Variants in GUF1 observed in about 807,000 individuals in gnomAD.
GUF1 encodes GTP binding elongation factor GUF1, also known as translation factor GUF1, mitochondrial.
A neutral mutation model predicts 82.4 loss-of-function variants in GUF1; 78 were observed. The observed-to-expected ratio is 0.95, with a 90% CI of 0.79 to 1.14. The LOEUF is 1.14. Ranked by LOEUF, GUF1 falls within the 50% of genes most tolerant of loss-of-function variation. GUF1 has a pLI of 0.00. For synonymous variants in GUF1, 279 were observed against 282.3 expected, an observed-to-expected ratio of 0.99 and a Z score of 0.12; for missense variants, 814 against 798.2, an observed-to-expected ratio of 1.02 and a Z score of -0.24.
chr4:44,696,191 A>G (rs1215496816), intron 15 of GUF1, among the ~76,000 whole-genome samples: 3 of 152,208 alleles, frequency 2.0e-5, no homozygotes, highest in African/African-American at 7.2e-5. Flanking sequence ...AAGGAATGCC[A>G]ATACCATGTT....
At position 44,700,087 on chromosome 4, in the gene GUF1, T is replaced by C. The variant is rs751110306; in HGVS notation, c.*1406T>C. 7 of 152,152 alleles carry C rather than the reference T, an allele frequency of 4.6e-5. No homozygotes were observed. Among genetic ancestry groups the C allele is most frequent in the African/African-American group, 1.2e-4 (5 of 41,432 alleles). The allele number at this position is 152,152 out of a possible 1,614,324, so 9.4% of individuals were successfully genotyped here. A position where few individuals can be genotyped will look rare whatever the true frequency, so the allele number is the denominator to read the frequency against. The stretch of plus-strand genomic sequence containing the variant: ...ATTTTTATCTTCTACCTTGAATGAA[T>C]TGAATGAAGAAAATGTCTTTTAGGG... On this transcript the variant is annotated 3_prime_UTR_variant, in exon 17 of 17. Coordinates refer to ENST00000281543, the MANE Select transcript of GUF1 (RefSeq NM_021927.3).
chr4:44,678,465 G>A lies in GUF1; in HGVS notation c.-158G>A. 1 of 557,084 alleles carries A rather than the reference G, an allele frequency of 1.8e-6. No homozygotes were observed. Among genetic ancestry groups the A allele is most frequent in the East Asian group, 3.5e-5 (1 of 28,606 alleles). The allele number at this position is 557,084 out of a possible 1,614,324, so 34.5% of individuals were successfully genotyped here. A position where few individuals can be genotyped will look rare whatever the true frequency, so the allele number is the denominator to read the frequency against. On this transcript the variant is annotated 5_prime_UTR_variant, in exon 1 of 17. Coordinates refer to ENST00000281543, the MANE Select transcript of GUF1 (RefSeq NM_021927.3). ...GCCGCTTCGGGTTGCTTCCGGATCTGGTACTTGGGCAGAGCTCCCCGGGGT... is the reference window on the plus strand; with the variant it reads ...GCCGCTTCGGGTTGCTTCCGGATCTAGTACTTGGGCAGAGCTCCCCGGGGT...
intron 14 of GUF1, 100 bp from the exon 15 acceptor site, chr4:44,695,515 C>A: frequency 2.2e-6 from 2 of 924,516 alleles, no homozygotes; most frequent in Non-Finnish European, 3.2e-6. Flanking sequence ...TTTGAACCTC[C>A]TTAAGAGATC....
intron 7 of GUF1, among the ~76,000 whole-genome samples, 175 bp downstream of exon 7, chr4:44,686,198 C>T (rs573493505): frequency 1.3e-5 from 2 of 151,966 alleles, no homozygotes; most frequent in East Asian, 3.9e-4. Context: ...ACATAGAAGG[C>T]AAGTACAGTA....
chr4:44,696,125 C>T (rs781206741), intron 15 of GUF1, among the ~76,000 whole-genome samples: 1 of 151,828 alleles, frequency 6.6e-6, no homozygotes, highest in Non-Finnish European at 1.5e-5. Context: ...TTTTTTTTAA[C>T]CCAAAGCATT....
At position 44,694,093 on chromosome 4, in the gene GUF1, C is replaced by T. The variant is rs940752899; in HGVS notation, c.1614-319C>T. Reference sequence around the variant, plus strand: ...TCCATTAATAATATATAGTATTGTCCGAAGCCTCCCAGCTGCTGGGAACAT... The same window carrying T: ...TCCATTAATAATATATAGTATTGTCTGAAGCCTCCCAGCTGCTGGGAACAT... On this transcript the variant is annotated intron_variant, in intron 13 of 16. Transcript: ENST00000281543. 2.1e-4 allele frequency: 58 copies of T among 276,404 alleles called. No individual in the cohort carries two copies. The South Asian group carries it at 2.1e-3, about 10-fold the overall frequency. The allele number at this position is 276,404 out of a possible 1,614,324, so 17.1% of individuals were successfully genotyped here.
chr4:44,686,519 G>T lies in GUF1; in HGVS notation c.744G>T (p.Val248=), dbSNP rs960507967. Residue 248 remains valine (V), a synonymous_variant, in exon 8 of 17, where the codon GTG becomes GTT. Transcript: ENST00000281543. ...TACTTATATTTACTAGTCCTAAAGT[G>T]CATCGCAAAAATCCTCTGAGAGCTT... The part of the protein sequence containing the change: ...AIIERIPPPK[V]HRKNPLRALV... 2 of 1,609,166 alleles carry T rather than the reference G, an allele frequency of 1.2e-6. No individual in the cohort carries two copies. The highest frequency in any genetic ancestry group is 2.2e-5 in the East Asian group (1 of 44,754).
At chr4:44,681,742 C>A (rs73179895) in intron 4 of GUF1, among the ~76,000 whole-genome samples, 4,030 of 151,722 alleles carry the variant, frequency 0.027, 178 homozygotes, top group African/African-American at 0.094. Flanking sequence ...ATTCAAAACC[C>A]AACTTTTTTT....
chr4:44,679,568 C>G (rs1444508663), intron 1 of GUF1, among the ~76,000 whole-genome samples: 1 of 152,144 alleles, frequency 6.6e-6, no homozygotes, highest in Non-Finnish European at 1.5e-5. Flanking sequence ...GTGCAATTCT[C>G]TATACCTTTT....
At chr4:44,681,334 A>G (rs961937083) in intron 4 of GUF1, 131 bp downstream of exon 4, 33 of 653,710 alleles carry the variant, frequency 5.0e-5, no homozygotes, top group South Asian at 3.7e-4. Flanking sequence ...TTACTTACTG[A>G]AAATCATATG....
At position 44,699,788 on chromosome 4, in the gene GUF1, A is replaced by C. The variant is rs1440792879; in HGVS notation, c.*1107A>C. On this transcript the variant is annotated 3_prime_UTR_variant, in exon 17 of 17. Coordinates refer to ENST00000281543, the MANE Select transcript of GUF1 (RefSeq NM_021927.3). The stretch of plus-strand genomic sequence containing the variant: ...TGGTTAGTTTGAAACTAAATGGTTT[A>C]CATCTAAATTAAGGGCAGGAGCTGT... 5 of 152,246 alleles carry C rather than the reference A, an allele frequency of 3.3e-5. No homozygotes were observed. Among genetic ancestry groups the C allele is most frequent in the Non-Finnish European group, 5.9e-5 (4 of 68,046 alleles). 9.4% of individuals were successfully genotyped at this position (152,246 alleles called of 1,614,324 possible). A position where few individuals can be genotyped will look rare whatever the true frequency, so the allele number is the denominator to read the frequency against.
chr4:44,681,312 A>G (rs965561293), intron 4 of GUF1, 109 bp downstream of exon 4: 53 of 769,056 alleles, frequency 6.9e-5, no homozygotes, highest in Non-Finnish European at 1.2e-4. Context: ...TTTGAAAAAT[A>G]GATTTAATCT....
At chr4:44,683,416 T>C in intron 6 of GUF1, 98 bp downstream of exon 6, 1 of 632,994 alleles carries the variant, frequency 1.6e-6, no homozygotes, top group Non-Finnish European at 2.7e-6. Flanking sequence ...CATTATATGC[T>C]GTTTTTTATA....
chr4:44,683,950 G>A (rs1228073241), intron 6 of GUF1, among the ~76,000 whole-genome samples: 2 of 151,966 alleles, frequency 1.3e-5, no homozygotes, highest in East Asian at 1.9e-4. Flanking sequence ...AAAAGAGCAA[G>A]TTATATATGG....
At position 44,678,725 on chromosome 4, in the gene GUF1, AC is replaced by A. The variant is rs1714585467; in HGVS notation, c.106del (p.Ala38LeufsTer47). 6.6e-7 allele frequency: 1 copy of A among 1,518,976 alleles called. No homozygotes were observed. Among genetic ancestry groups the A allele is most frequent in the African/African-American group, 1.5e-5 (1 of 68,170 alleles). 94.1% of individuals were successfully genotyped at this position (1,518,976 alleles called of 1,614,324 possible). ...GGCCCCGGGGCCCCGGTCCGCGCCG[AC>A]CCTTGGGGCTGCTCCAGAGTCCTGG... ...LVAPGPRSAP[T>X]LGAAPESWAT... On this transcript the variant is annotated frameshift_variant, in exon 1 of 17. Transcript: ENST00000281543. LOFTEE classifies it high-confidence loss of function.
intron 15 of GUF1, among the ~76,000 whole-genome samples, chr4:44,696,085 G>GT (rs34609274): frequency 0.53 from 79,925 of 151,878 alleles, 22,450 homozygotes; most frequent in Non-Finnish European, 0.64. Flanking sequence ...AAACTAAAAG[G>GT]TTTTGTCTTC....
At position 44,686,550 on chromosome 4, in the gene GUF1, TTTGAC is replaced by T. The variant is rs1560343380; in HGVS notation, c.777_781del (p.Asp260HisfsTer3). 3 of 1,612,272 alleles carry T rather than the reference TTTGAC, an allele frequency of 1.9e-6. No individual in the cohort carries two copies. The highest frequency in any genetic ancestry group is 2.5e-6 in the Non-Finnish European group (3 of 1,178,738). On this transcript the variant is annotated frameshift_variant, in exon 8 of 17. Coordinates refer to ENST00000281543, the MANE Select transcript of GUF1 (RefSeq NM_021927.3). LOFTEE classifies it high-confidence loss of function. ...CAAAAATCCTCTGAGAGCTTTGGTA[TTTGAC>T]TCCACCTTTGACCAGTATAGAGGTG... is the stretch of plus-strand genomic sequence containing the variant.
At chr4:44,679,730 G>A (rs1490548724) in intron 1 of GUF1, among the ~76,000 whole-genome samples, 4 of 151,792 alleles carry the variant, frequency 2.6e-5, no homozygotes, top group African/African-American at 9.7e-5. Flanking sequence ...GTAATTTCAT[G>A]GTTTTGCTGA....
At chr4:44,693,319 A>T (rs1469602729) in intron 13 of GUF1, among the ~76,000 whole-genome samples, 2 of 152,038 alleles carry the variant, frequency 1.3e-5, no homozygotes, top group Admixed American at 1.3e-4. Flanking sequence ...TTTTATAATG[A>T]TTTCTTTTGA....
Sources: allele counts gnomAD v4.1 joint callset (sites outside exome capture counted in the v4.1 genomes callset), GRCh38; gene constraint gnomAD v4.1.1; transcripts MANE v1.5; gene names NCBI Gene and HGNC (gene_info 2026-07-23, HGNC 2026-07-21).